PTGDS: variants seen among roughly 807,000 people sequenced by gnomAD.
PTGDS encodes the protein prostaglandin-H2 D-isomerase.
Under a neutral mutation model 28.4 loss-of-function variants are expected in PTGDS, and 21 were observed. The ratio of observed to expected loss-of-function variants is 0.74; its 90% confidence interval spans 0.52 to 1.07. The LOEUF (loss-of-function observed/expected upper bound fraction) is 1.07, where lower values mean the gene tolerates loss of function less well. PTGDS is among the 50% of genes least tolerant of loss of function. The pLI is 0.00. For synonymous variants in PTGDS, 102 were observed against 106.0 expected (o/e 0.96, Z 0.23); for missense variants, 243 against 247.7 (o/e 0.98, Z 0.13).
intron 1 of PTGDS, among the ~76,000 whole-genome samples, chr9:136,978,601 A>AG (rs1274212711): frequency 1.1e-4 from 1 of 8,928 alleles, no homozygotes; most frequent in African/African-American, 4.8e-4. Context: ...GTCAGCTCCT[A>AG]GGGGGGCATG....
At chr9:136,977,792 C>CCCGCAGTG in intron 1 of PTGDS, 100 bp downstream of exon 1, 1 of 1,156,456 alleles carries the variant, frequency 8.6e-7, no homozygotes. Context: ...TGAGCGAAGT[C>CCCGCAGTG]CCGCAGTGCC....
intron 4 of PTGDS, 56 bp from the exon 5 acceptor site, chr9:136,980,127 G>A (rs977598887): frequency 1.2e-6 from 2 of 1,608,056 alleles, no homozygotes; most frequent in African/African-American, 2.7e-5. Flanking sequence ...AAGACCCAGG[G>A]CAGGGCACAC....
chr9:136,980,160 G>A (rs1451456291), intron 4 of PTGDS, 23 bp from the exon 5 acceptor site: 2 of 1,612,692 alleles, frequency 1.2e-6, no homozygotes, highest in East Asian at 2.2e-5. Context: ...GCTGAGGCCA[G>A]CTCCGTCTCC....
Position 136,979,243 on chromosome 9 carries a change from G to A in PTGDS, c.275G>A (p.Arg92Gln). The A allele has an allele frequency of 6.2e-7, 1 of 1,612,892 alleles. No homozygotes were observed. ...TACAGGAAAAACCAGTGTGAGACCC[G>A]AACCATGCTGCTGCAGCCCGCGGGG... ...TFLRKNQCET[R>Q]TMLLQPAGSL... Residue 92 changes from arginine to glutamine, a missense_variant, in exon 3 of 7, where the codon CGA (arginine) becomes CAA (glutamine). Physicochemically the swap from Arg to Gln is conservative, Grantham distance 43 (BLOSUM62 1). Coordinates refer to ENST00000371625, the MANE Select transcript of PTGDS (RefSeq NM_000954.6).
chr9:136,978,500 G>A (rs1378761227), intron 1 of PTGDS, among the ~76,000 whole-genome samples: 1 of 144,048 alleles, frequency 6.9e-6, no homozygotes, highest in Non-Finnish European at 1.5e-5. Flanking sequence ...CATCTCCTGG[G>A]GCGGGGCGTG....
At chr9:136,980,792 T>G in intron 5 of PTGDS, 41 bp from the exon 6 acceptor site, 5 of 1,613,982 alleles carry the variant, frequency 3.1e-6, no homozygotes, top group Non-Finnish European at 4.2e-6. Context: ...TTGGCCTAAG[T>G]CTGGGGTTCT....
At chr9:136,981,108 C>T in intron 6 of PTGDS, 2 of 557,876 alleles carry the variant, frequency 3.6e-6, no homozygotes, top group South Asian at 2.7e-5. Flanking sequence ...CCTGAAGGCT[C>T]ATGGTTGGGG....
chr9:136,978,943 G>C, intron 1 of PTGDS, 50 bp from the exon 2 acceptor site: 1 of 1,593,504 alleles, frequency 6.3e-7, no homozygotes, highest in Non-Finnish European at 8.5e-7. Context: ...GGTAGGCGCA[G>C]GTGGGTCCGG....
chr9:136,980,810 GCC>G, intron 5 of PTGDS, 21 bp from the exon 6 acceptor site: 2 of 1,613,996 alleles, frequency 1.2e-6, no homozygotes, highest in Middle Eastern at 1.7e-4. Context: ...TCTGACGACA[GCC>G]CCTGGCTTCT....
chr9:136,978,373 G>A (rs917950656), intron 1 of PTGDS, among the ~76,000 whole-genome samples: 4 of 151,276 alleles, frequency 2.6e-5, no homozygotes, highest in African/African-American at 4.9e-5. Flanking sequence ...GTGAGGGACT[G>A]TCCTCGGGAG....
rs1179680478 is a variant in PTGDS at position 136,977,577 on chromosome 9, G to C, written c.-2G>C. ...CCCGGACACCCGCTCTGCTGCAGGAGAATGGCTACTCATCACACACTGTGG... is the reference window on the plus strand; with the variant it reads ...CCCGGACACCCGCTCTGCTGCAGGACAATGGCTACTCATCACACACTGTGG... On this transcript the variant is annotated 5_prime_UTR_variant, in exon 1 of 7. Transcript: ENST00000371625. 8.2e-6 allele frequency: 13 copies of C among 1,590,848 alleles called. No individual in the cohort carries two copies. The highest frequency in any genetic ancestry group is 9.4e-6 in the Non-Finnish European group (11 of 1,168,990).
intron 6 of PTGDS, 196 bp downstream of exon 6, chr9:136,981,051 G>A (rs1830443250): frequency 4.0e-6 from 3 of 759,408 alleles, no homozygotes; most frequent in Middle Eastern, 3.9e-4. Context: ...GCACAGGTGT[G>A]AGGCTCAGAA....
chr9:136,978,529 C>A (rs1313543480), intron 1 of PTGDS, among the ~76,000 whole-genome samples: 1 of 13,724 alleles, frequency 7.3e-5, no homozygotes, highest in Non-Finnish European at 1.3e-4. Context: ...GGCCACCTCC[C>A]GGGGCGGGGC....
At chr9:136,978,012 C>G (rs982842824) in intron 1 of PTGDS, among the ~76,000 whole-genome samples, 2 of 152,226 alleles carry the variant, frequency 1.3e-5, no homozygotes, top group African/African-American at 4.8e-5. Context: ...AGCGCACGTT[C>G]CACACCTGGG....
chr9:136,979,923 A>T, intron 3 of PTGDS, 23 bp from the exon 4 acceptor site: 1 of 1,605,698 alleles, frequency 6.2e-7, no homozygotes, highest in Non-Finnish European at 8.5e-7. Flanking sequence ...AGTCCCCGAC[A>T]GGGTTGTCTC....
At position 136,980,960 on chromosome 9, in the gene PTGDS, C is replaced by G. The variant is rs1830441538; in HGVS notation, c.*105C>G. 9 of 1,444,258 alleles carry G rather than the reference C, an allele frequency of 6.2e-6. No individual in the cohort carries two copies. In the South Asian group the frequency reaches 1.1e-4, roughly 18 times the overall value. The allele number at this position is 1,444,258 out of a possible 1,614,324, so 89.5% of individuals were successfully genotyped here. A position where few individuals can be genotyped will look rare whatever the true frequency, so the allele number is the denominator to read the frequency against. The stretch of plus-strand genomic sequence containing the variant: ...GGATGGATCAGGGCCCCAGGACAGC[C>G]TGGTGCTGCAGACCCATCCTTCCCG... On this transcript the variant is annotated intron_variant, in intron 6 of 6. Coordinates refer to ENST00000371625, the MANE Select transcript of PTGDS (RefSeq NM_000954.6).
chr9:136,977,892 C>T lies in PTGDS; in HGVS notation c.114+200C>T, dbSNP rs534076461. 2.6e-5 allele frequency among the ~76,000 whole-genome samples: 4 copies of T among 152,252 alleles called. No individual in the cohort carries two copies. The East Asian group carries it at 7.7e-4, about 29-fold the overall frequency. ...CTGCCCGCGAGAAGCCCTCCCTGGG[C>T]ACCGCGTCCCGTCTCCCCTGATGGG... On this transcript the variant is annotated intron_variant, in intron 1 of 6. Transcript: ENST00000371625.
rs1830416306 is a variant in PTGDS, at chr9:136,979,019, C to T, written c.141C>T (p.Gly47=). 4 of 1,608,788 alleles carry T rather than the reference C, an allele frequency of 2.5e-6. No individual in the cohort carries two copies. The African/African-American group carries it at 4.0e-5, about 16-fold the overall frequency. ...DKFLGRWFSA[G]LASNSSWLRE... ...TCCTGGGGCGCTGGTTCAGCGCGGG[C>T]CTCGCCTCCAACTCGAGCTGGCTCC... is the stretch of plus-strand genomic sequence containing the variant. The change falls in exon 2 of 7, where the codon GGC becomes GGT. Residue 47 remains glycine, a synonymous_variant. Coordinates refer to ENST00000371625, the MANE Select transcript of PTGDS (RefSeq NM_000954.6).
intron 3 of PTGDS, 157 bp downstream of exon 3, chr9:136,979,456 C>A: frequency 6.5e-7 from 1 of 1,545,372 alleles, no homozygotes; most frequent in Non-Finnish European, 8.7e-7. Flanking sequence ...GCGTGACTAC[C>A]CATGCACAAG....
Sources: allele counts gnomAD v4.1 joint callset (sites outside exome capture counted in the v4.1 genomes callset), GRCh38; gene constraint gnomAD v4.1.1; transcripts MANE v1.5; gene names NCBI Gene and HGNC (gene_info 2026-07-23, HGNC 2026-07-21).